TAFA1: variants seen among roughly 807,000 people sequenced by gnomAD.
TAFA1 encodes TAFA chemokine like family member 1.
In TAFA1, 4 loss-of-function variants were observed where a neutral mutation model predicts 18.5. The observed-to-expected ratio is 0.22, with a 90% CI of 0.11 to 0.49. The LOEUF is 0.49. Among genes scored for constraint, TAFA1 ranks in the 20% least tolerant of loss-of-function variants. The pLI, the probability that TAFA1 is intolerant of heterozygous loss-of-function variation, is 0.98. For missense variants in TAFA1, 147 were observed against 169.0 expected, an observed-to-expected ratio of 0.87 and a Z score of 0.72; for synonymous variants, 56 against 55.2, an observed-to-expected ratio of 1.01 and a Z score of -0.06.
At chr3:68,314,981 T>C (rs2068583911) in intron 2 of TAFA1, among the ~76,000 whole-genome samples, 1 of 147,066 alleles carries the variant, frequency 6.8e-6, no homozygotes, top group Non-Finnish European at 1.5e-5. Flanking sequence ...AAAGAAAATA[T>C]ATTAAGAAAA....
chr3:68,513,964 G>T (rs1559700681), intron 3 of TAFA1, among the ~76,000 whole-genome samples: 1 of 152,274 alleles, frequency 6.6e-6, no homozygotes, highest in East Asian at 1.9e-4. Flanking sequence ...TCTCACAGTT[G>T]TGGAAGCTGG....
intron 2 of TAFA1, among the ~76,000 whole-genome samples, chr3:68,274,711 C>T (rs2067759699): frequency 6.6e-6 from 1 of 152,242 alleles, no homozygotes; most frequent in African/African-American, 2.4e-5. Flanking sequence ...CCCGCCCCGC[C>T]CCCGCCCACA....
At chr3:68,179,386 G>A (rs1284623054) in intron 2 of TAFA1, among the ~76,000 whole-genome samples, 3 of 152,132 alleles carry the variant, frequency 2.0e-5, no homozygotes, top group Non-Finnish European at 4.4e-5. Context: ...GAATGAAAGT[G>A]GAATTCTGAT....
At chr3:68,432,845 T>C (rs1347256111) in intron 3 of TAFA1, among the ~76,000 whole-genome samples, 9 of 152,002 alleles carry the variant, frequency 5.9e-5, no homozygotes, top group Non-Finnish European at 1.3e-4. Context: ...TCACTGAAGA[T>C]GGGGCACATT....
chr3:68,131,892 TTTA>T (rs1227538777), intron 2 of TAFA1, among the ~76,000 whole-genome samples: 2 of 152,142 alleles, frequency 1.3e-5, no homozygotes, highest in Admixed American at 6.6e-5. Flanking sequence ...ACCTTTTTTT[TTTA>T]TTATTATGCT....
At chr3:68,182,593 C>A (rs367967131) in intron 2 of TAFA1, among the ~76,000 whole-genome samples, 1 of 152,180 alleles carries the variant, frequency 6.6e-6, no homozygotes. Flanking sequence ...GAATTTATCA[C>A]ATTAACATGA....
At chr3:68,231,379 A>T (rs1396756167) in intron 2 of TAFA1, among the ~76,000 whole-genome samples, 2 of 99,220 alleles carry the variant, frequency 2.0e-5, no homozygotes, top group East Asian at 6.6e-4. Context: ...TTTGAGACGG[A>T]GTCTCGCTCT....
At chr3:68,172,972 T>C (rs915629464) in intron 2 of TAFA1, among the ~76,000 whole-genome samples, 1 of 152,116 alleles carries the variant, frequency 6.6e-6, no homozygotes, top group Non-Finnish European at 1.5e-5. Flanking sequence ...ACTCTGTGAA[T>C]ACACTCAAAG....
chr3:68,091,623 A>G (rs1018985628), intron 2 of TAFA1, among the ~76,000 whole-genome samples: 1 of 152,170 alleles, frequency 6.6e-6, no homozygotes, highest in African/African-American at 2.4e-5. Context: ...TCAATGAATT[A>G]TATACTCATT....
intron 2 of TAFA1, among the ~76,000 whole-genome samples, chr3:68,198,462 T>G (rs1421729569): frequency 6.6e-6 from 1 of 151,630 alleles, no homozygotes; most frequent in African/African-American, 2.4e-5. Flanking sequence ...TCTTCAAAAG[T>G]GTCTGTAATA....
intron 2 of TAFA1, among the ~76,000 whole-genome samples, chr3:68,046,622 T>G (rs2064389207): frequency 6.6e-6 from 1 of 152,146 alleles, no homozygotes; most frequent in Non-Finnish European, 1.5e-5. Flanking sequence ...GCTTACTGAG[T>G]TCAAGCATCA....
intron 2 of TAFA1, among the ~76,000 whole-genome samples, chr3:68,392,744 C>T (rs2070289942): frequency 6.6e-6 from 1 of 152,174 alleles, no homozygotes; most frequent in South Asian, 2.1e-4. Flanking sequence ...GAACAACCTG[C>T]TCCTGAATGA....
rs186032447 is a variant in TAFA1, at chr3:68,191,007, C to T, written c.118+184263C>T. ...TACTTATGTTTTAAAAACCTTAAGA[C>T]TCATCTGCGTAGCTTGTGAAATTCA... On this transcript the variant is annotated intron_variant, in intron 2 of 4. Transcript: ENST00000478136. Among the ~76,000 whole-genome samples, 27 of 151,864 alleles carry T rather than the reference C, an allele frequency of 1.8e-4. 1 individual carries two copies. In the South Asian group the frequency reaches 4.8e-3, roughly 27 times the overall value.
chr3:68,433,822 G>C (rs942600674), intron 3 of TAFA1, among the ~76,000 whole-genome samples: 2 of 152,112 alleles, frequency 1.3e-5, no homozygotes, highest in Non-Finnish European at 2.9e-5. Flanking sequence ...TTCTGAATAA[G>C]TATTAGTTCT....
chr3:68,269,259 G>C (rs922905852), intron 2 of TAFA1, among the ~76,000 whole-genome samples: 1 of 152,120 alleles, frequency 6.6e-6, no homozygotes, highest in African/African-American at 2.4e-5. Flanking sequence ...TTTGAGACCA[G>C]CCTGAGCGAC....
intron 3 of TAFA1, among the ~76,000 whole-genome samples, chr3:68,486,829 GC>G (rs1173293543): frequency 6.6e-6 from 1 of 152,138 alleles, no homozygotes; most frequent in African/African-American, 2.4e-5. Flanking sequence ...CAATATCTTA[GC>G]ATTTTGTCCT....
chr3:68,415,260 G>T (rs1022316570), intron 2 of TAFA1, among the ~76,000 whole-genome samples: 4 of 152,248 alleles, frequency 2.6e-5, no homozygotes, highest in Admixed American at 6.5e-5. Flanking sequence ...TACCACACCA[G>T]TCCTTTGTTC....
At chr3:68,423,587 T>C (rs2070999688) in intron 3 of TAFA1, among the ~76,000 whole-genome samples, 1 of 152,106 alleles carries the variant, frequency 6.6e-6, no homozygotes, top group South Asian at 2.1e-4. Context: ...CTTTTTTTTC[T>C]ACATCATAAA....
intron 2 of TAFA1, among the ~76,000 whole-genome samples, chr3:68,322,159 T>C (rs893483430): frequency 6.6e-6 from 1 of 152,236 alleles, no homozygotes; most frequent in Non-Finnish European, 1.5e-5. Flanking sequence ...AAATTACATA[T>C]ACAAGTACAA....
Sources: allele counts gnomAD v4.1 joint callset (sites outside exome capture counted in the v4.1 genomes callset), GRCh38; gene constraint gnomAD v4.1.1; transcripts MANE v1.5; gene names NCBI Gene and HGNC (gene_info 2026-07-23, HGNC 2026-07-21).